Variants in FNBP1 observed in about 807,000 individuals in gnomAD.
FNBP1 encodes the protein formin binding protein 1.
In FNBP1, 26 loss-of-function variants were observed where a neutral mutation model predicts 90.6. The ratio of observed to expected loss-of-function variants is 0.29; its 90% CI spans 0.21 to 0.40. FNBP1 has a LOEUF of 0.40. FNBP1 is among the 10% of genes least tolerant of loss of function. FNBP1 has a pLI of 1.00. For synonymous variants in FNBP1, 260 were observed against 265.2 expected (o/e 0.98, Z 0.19); for missense variants, 635 against 768.0 (o/e 0.83, Z 2.05).
chr9:130,018,275 G>GTA (rs754107052), intron 1 of FNBP1, among the ~76,000 whole-genome samples: 30 of 151,770 alleles, frequency 2.0e-4, no homozygotes, highest in Non-Finnish European at 3.7e-4. Flanking sequence ...GTGTGTATGT[G>GTA]TATATATATA....
rs568742268 is a variant in FNBP1, at chr9:129,969,789, C to T, written c.345+8676G>A. ...TTTTTTTTAAATCTAAAAACAAAAACGTATACTTTTTGAGGTAGAAACATG... is the reference window on the plus strand; with the variant it reads ...TTTTTTTTAAATCTAAAAACAAAAATGTATACTTTTTGAGGTAGAAACATG... On this transcript the variant is annotated intron_variant, in intron 4 of 16. Transcript: ENST00000446176. Among the ~76,000 whole-genome samples the T allele has an allele frequency of 4.0e-5, 6 of 150,980 alleles. No homozygotes were observed. In the East Asian group the frequency reaches 9.7e-4, roughly 24 times the overall value.
rs1426724999 is a variant in FNBP1 at position 130,031,068 on chromosome 9, G to A, written c.24+11884C>T. On this transcript the variant is annotated intron_variant, in intron 1 of 16. Transcript: ENST00000446176. This position sits in a 1 kb window ranked among gnomAD's most constrained non-coding sequence, Gnocchi z 4.2. ...CATCTTGAAGTGGGAGGAGGCAGAG[G>A]GTGGCTCCTAGGCCTTCTTTGTTCA... Among the ~76,000 whole-genome samples the A allele has an allele frequency of 6.6e-6, 1 of 152,122 alleles. No homozygotes were observed. The highest frequency in any genetic ancestry group is 1.5e-5 in the Non-Finnish European group (1 of 68,018).
At chr9:129,989,419 C>A (rs940719867) in intron 2 of FNBP1, among the ~76,000 whole-genome samples, 1 of 152,014 alleles carries the variant, frequency 6.6e-6, no homozygotes, top group African/African-American at 2.4e-5. Flanking sequence ...CACATAATTC[C>A]CCATAAAGCA....
At chr9:129,943,662 C>G (rs2044697466) in intron 6 of FNBP1, among the ~76,000 whole-genome samples, 1 of 152,028 alleles carries the variant, frequency 6.6e-6, no homozygotes, top group African/African-American at 2.4e-5. Flanking sequence ...GCTGGGATTA[C>G]AGGCATGAGC....
chr9:129,899,418 G>A (rs2036437606), intron 15 of FNBP1, among the ~76,000 whole-genome samples: 2 of 152,066 alleles, frequency 1.3e-5, no homozygotes, highest in Non-Finnish European at 1.5e-5. Flanking sequence ...GTCACAGAAA[G>A]AGAAGAGTGT....
intron 1 of FNBP1, among the ~76,000 whole-genome samples, chr9:130,003,790 G>GCACTA (rs2055230920): frequency 6.6e-6 from 1 of 151,402 alleles, no homozygotes; most frequent in Non-Finnish European, 1.5e-5. Flanking sequence ...GGGCATGGAG[G>GCACTA]CAGGTGCCTG....
chr9:129,984,544 GCTCACCCCCC>G (rs1333479988), intron 2 of FNBP1, among the ~76,000 whole-genome samples: 1 of 152,140 alleles, frequency 6.6e-6, no homozygotes, highest in Non-Finnish European at 1.5e-5. Context: ...AGGAGCCGGG[GCTCACCCCCC>G]GGAGGTCCAC....
At chr9:130,020,485 C>T (rs1308063451) in intron 1 of FNBP1, among the ~76,000 whole-genome samples, 1 of 152,194 alleles carries the variant, frequency 6.6e-6, no homozygotes, top group Non-Finnish European at 1.5e-5. Flanking sequence ...GCTGGGATTA[C>T]AGGAGTGAGC....
chr9:129,954,179 A>C (rs781549582), intron 6 of FNBP1, among the ~76,000 whole-genome samples: 4 of 152,146 alleles, frequency 2.6e-5, no homozygotes, highest in Admixed American at 6.6e-5. Context: ...TTTGCCAATA[A>C]ATTTGAAAAT....
intron 13 of FNBP1, 91 bp downstream of exon 13, chr9:129,902,778 T>C: frequency 7.5e-7 from 1 of 1,327,058 alleles, no homozygotes; most frequent in Non-Finnish European, 1.0e-6. Context: ...TACCTCCCAG[T>C]GAGAGGATCG....
At chr9:129,895,300 C>G (rs17518373) in intron 16 of FNBP1, 16,202 of 1,060,226 alleles carry the variant, frequency 0.015, 144 homozygotes, top group Non-Finnish European at 0.017. Context: ...CTGCTTTAGT[C>G]AAGAAGGAGA....
intron 1 of FNBP1, among the ~76,000 whole-genome samples, chr9:130,024,812 A>G (rs1218308861): frequency 5.9e-5 from 9 of 152,174 alleles, no homozygotes. Context: ...GACATTGTTT[A>G]TCTACCTTAC....
At chr9:129,936,245 C>CACA (rs1246966046) in intron 6 of FNBP1, 1 of 152,194 alleles carries the variant, frequency 6.6e-6, no homozygotes, top group African/African-American at 2.4e-5. Context: ...ACGTCGTTAT[C>CACA]ACAAGAAGAG....
intron 6 of FNBP1, among the ~76,000 whole-genome samples, chr9:129,951,922 T>A (rs1307918129): frequency 6.6e-6 from 1 of 151,930 alleles, no homozygotes. Context: ...CTGGGTGTGG[T>A]GGCTCACACC....
intron 11 of FNBP1, 113 bp downstream of exon 11, chr9:129,915,853 G>A (rs2040175871): frequency 1.3e-6 from 1 of 754,480 alleles, no homozygotes; most frequent in Non-Finnish European, 2.3e-6. Context: ...ACACGTAAGA[G>A]AAACACAAAC....
Position 129,979,327 on chromosome 9 carries a change from T to G in FNBP1, c.188A>C (p.Glu63Ala). ...YQPKKNSKEE[E>A]EYKYTSCKAF... is the part of the protein sequence containing the mutation. Reference sequence around the variant, plus strand: ...TCAATGGTAAACATACTTGTATTCTTCTTCCTCCTTCGAGTTCTTTTTAGG... The same window carrying G: ...TCAATGGTAAACATACTTGTATTCTGCTTCCTCCTTCGAGTTCTTTTTAGG... Residue 63 changes from glutamate (E) to alanine (A), a missense_variant, in exon 3 of 17, where the codon GAA becomes GCA. Glu to Ala is a moderately radical substitution (Grantham distance 107, BLOSUM62 -1). Coordinates refer to ENST00000446176, the MANE Select transcript of FNBP1 (RefSeq NM_015033.3). 2 of 1,601,324 alleles carry G rather than the reference T, an allele frequency of 1.2e-6. No individual in the cohort carries two copies. The highest frequency in any genetic ancestry group is 1.7e-6 in the Non-Finnish European group (2 of 1,169,234).
chr9:129,944,110 A>C (rs977492216), intron 6 of FNBP1, among the ~76,000 whole-genome samples: 2 of 151,210 alleles, frequency 1.3e-5, no homozygotes, highest in African/African-American at 4.9e-5. Context: ...TCTCCGTCTC[A>C]TGCTTCTCTC....
At chr9:129,951,597 A>G (rs754580107) in intron 6 of FNBP1, among the ~76,000 whole-genome samples, 11 of 151,662 alleles carry the variant, frequency 7.3e-5, no homozygotes, top group Non-Finnish European at 1.3e-4. Flanking sequence ...GCACACCACC[A>G]TGCTAGGCTA....
At chr9:129,969,421 G>A (rs1431146109) in intron 4 of FNBP1, among the ~76,000 whole-genome samples, 5 of 152,144 alleles carry the variant, frequency 3.3e-5, no homozygotes, top group Non-Finnish European at 7.3e-5. Flanking sequence ...TGGAAGTAAA[G>A]AGTTTACTGC....
Sources: allele counts gnomAD v4.1 joint callset (sites outside exome capture counted in the v4.1 genomes callset), GRCh38; gene constraint gnomAD v4.1.1; non-coding constraint Gnocchi (gnomAD v3.1); transcripts MANE v1.5; gene names NCBI Gene and HGNC (gene_info 2026-07-23, HGNC 2026-07-21).